The following XDH variants were observed in gnomAD, a reference collection of about 807,000 sequenced individuals.
XDH encodes xanthine dehydrogenase/oxidase.
XDH carries 138 observed loss-of-function variants against 156.1 expected under a neutral mutation model. That is an observed-to-expected ratio of 0.88 (90% CI 0.77 to 1.02). The LOEUF (loss-of-function observed/expected upper bound fraction) is 1.02, where lower values mean the gene tolerates loss of function less well. Among genes scored for constraint, XDH ranks in the 50% least tolerant of loss-of-function variants. The pLI is 0.00. For missense variants in XDH, 1,849 were observed against 1,684.9 expected (o/e 1.10, Z -1.71); for synonymous variants, 669 against 625.7 (o/e 1.07, Z -1.03).
intron 13 of XDH, among the ~76,000 whole-genome samples, chr2:31,379,097 C>G (rs950926929): frequency 6.6e-6 from 1 of 152,190 alleles, no homozygotes; most frequent in Non-Finnish European, 1.5e-5. Context: ...CCCCAAGCCT[C>G]TCCCAGATGC....
At chr2:31,391,391 A>G (rs138906728) in intron 6 of XDH, among the ~76,000 whole-genome samples, 71 of 152,236 alleles carry the variant, frequency 4.7e-4, no homozygotes, top group African/African-American at 1.6e-3. Context: ...CACTGTCTTG[A>G]TAACTGCAGC....
Position 31,386,555 on chromosome 2 carries a change from T to A in XDH, c.652A>T (p.Arg218Trp). The change falls in exon 9 of 36, where the codon AGG becomes TGG. Residue 218 changes from arginine (R) to tryptophan (W), a missense_variant and splice_region_variant. By Grantham distance (101) the Arg-to-Trp change is moderately radical. Coordinates refer to ENST00000379416, the MANE Select transcript of XDH (RefSeq NM_000379.4). ...TGCTTCCGAGGAGTGTCTTTCAGCC[T>A]CTGGGAAATGCAGTTTTCTTACTAC... is the stretch of plus-strand genomic sequence containing the variant. ...QEPIFPPELL[R>W]LKDTPRKQLR... The A allele has an allele frequency of 6.2e-7, 1 of 1,614,194 alleles. No homozygotes were observed. The highest frequency in any genetic ancestry group is 1.3e-5 in the African/African-American group (1 of 75,058).
chr2:31,347,801 G>A, intron 28 of XDH, 151 bp from the exon 29 acceptor site: 1 of 1,123,052 alleles, frequency 8.9e-7, no homozygotes, highest in Non-Finnish European at 1.3e-6. Context: ...CTTACATCTG[G>A]CTGAATTTGA....
chr2:31,393,123 T>C (rs1326855490), intron 6 of XDH, among the ~76,000 whole-genome samples: 4 of 152,262 alleles, frequency 2.6e-5, no homozygotes, highest in Non-Finnish European at 5.9e-5. Context: ...TTGGCTAAAG[T>C]AGTCTATAAA....
At chr2:31,348,578 G>T (rs896620838) in intron 27 of XDH, among the ~76,000 whole-genome samples, 1 of 152,156 alleles carries the variant, frequency 6.6e-6, no homozygotes, top group African/African-American at 2.4e-5. Context: ...TGTTTCTCTT[G>T]TTCTCAAAGG....
intron 2 of XDH, 102 bp downstream of exon 2, chr2:31,405,805 C>A: frequency 1.4e-6 from 2 of 1,395,090 alleles, no homozygotes; most frequent in East Asian, 2.3e-5. Flanking sequence ...TTCCTCCACA[C>A]CTCAAGGCCA....
chr2:31,377,262 G>A, intron 13 of XDH, 25 bp from the exon 14 acceptor site: 1 of 1,613,514 alleles, frequency 6.2e-7, no homozygotes, highest in South Asian at 1.1e-5. Flanking sequence ...GAAGGTGCCT[G>A]TTTTCCACCT....
chr2:31,336,487 C>A (rs1456484316), intron 35 of XDH, among the ~76,000 whole-genome samples: 1 of 151,990 alleles, frequency 6.6e-6, no homozygotes, highest in Non-Finnish European at 1.5e-5. Context: ...AGCCATGCCA[C>A]CCACTCCTCT....
chr2:31,339,517 G>A lies in XDH; in HGVS notation c.3746C>T (p.Pro1249Leu). 6.2e-7 allele frequency: 1 copy of A among 1,614,172 alleles called. No individual in the cohort carries two copies. Among genetic ancestry groups the A allele is most frequent in the Non-Finnish European group, 8.5e-7 (1 of 1,180,048 alleles). Residue 1249 changes from proline (P) to leucine (L), a missense_variant, in exon 34 of 36, where the codon CCC (proline) becomes CTC (leucine). By Grantham distance (98) the Pro-to-Leu change is moderately conservative. Coordinates refer to ENST00000379416, the MANE Select transcript of XDH (RefSeq NM_000379.4). The part of the protein sequence containing the change: ...EFRVSLLRDC[P>L]NKKAIYASKA... ...CGATGCATAGATGGCCTTCTTGTTG[G>A]GGCAGTCGCGGAGCAGGGACACCCT...
chr2:31,408,303 C>T (rs1572574177), intron 1 of XDH, among the ~76,000 whole-genome samples: 1 of 152,158 alleles, frequency 6.6e-6, no homozygotes, highest in South Asian at 2.1e-4. Flanking sequence ...AAAGGCTTTC[C>T]TTATCACTCC....
At chr2:31,376,994 A>T (rs1490591622) in intron 14 of XDH, 59 bp downstream of exon 14, 16 of 1,598,594 alleles carry the variant, frequency 1.0e-5, no homozygotes, top group Non-Finnish European at 1.2e-5. Context: ...CAGCAGTAAC[A>T]ATGATACTAT....
At chr2:31,369,302 TTGA>T (rs1357136701) in intron 18 of XDH, among the ~76,000 whole-genome samples, 6 of 152,156 alleles carry the variant, frequency 3.9e-5, no homozygotes, top group Admixed American at 3.9e-4. Flanking sequence ...GTTCTTAGAC[TTGA>T]TGACCCATAA....
chr2:31,386,164 T>C (rs1686586890), intron 9 of XDH, among the ~76,000 whole-genome samples: 1 of 152,122 alleles, frequency 6.6e-6, no homozygotes, highest in Admixed American at 6.5e-5. Context: ...TGAGGGTAGA[T>C]GAGGACAAGC....
rs762537902 is a variant in XDH at position 31,348,349 on chromosome 2, A to G, written c.3066T>C (p.Leu1022=). 6.2e-6 allele frequency: 10 copies of G among 1,614,178 alleles called. No homozygotes were observed. The highest frequency in any genetic ancestry group is 8.5e-6 in the Non-Finnish European group (10 of 1,180,020). The change falls in exon 28 of 36, where the codon CTT becomes CTC. Residue 1022 remains leucine (L), a synonymous_variant. Transcript: ENST00000379416. ...GCACAGAGCCATCTGTGTACACATG[A>G]AGTAGGGCTCCTGCCTAGGGAAAGA... ...VPFLNQAGAL[L]HVYTDGSVLL...
intron 4 of XDH, 70 bp from the exon 5 acceptor site, chr2:31,398,769 G>A: frequency 6.2e-7 from 1 of 1,604,518 alleles, no homozygotes; most frequent in Non-Finnish European, 8.5e-7. Flanking sequence ...GGACTCGACT[G>A]GAGCCAGCAC....
At chr2:31,377,835 C>A (rs1686286476) in intron 13 of XDH, among the ~76,000 whole-genome samples, 1 of 146,994 alleles carries the variant, frequency 6.8e-6, no homozygotes, top group Non-Finnish European at 1.5e-5. Flanking sequence ...GCCTAGGCAA[C>A]ATAGTGAGGC....
chr2:31,401,903 A>G (rs1486034536), intron 3 of XDH, among the ~76,000 whole-genome samples: 1 of 152,232 alleles, frequency 6.6e-6, no homozygotes, highest in African/African-American at 2.4e-5. Context: ...AGTGCCAGAC[A>G]TAAGTCAGGC....
chr2:31,366,912 C>T lies in XDH; in HGVS notation c.2280G>A (p.Glu760=). 6.2e-7 allele frequency: 1 copy of T among 1,614,248 alleles called. No homozygotes were observed. Among genetic ancestry groups the T allele is most frequent in the Non-Finnish European group, 8.5e-7 (1 of 1,180,038 alleles). The part of the protein sequence containing the change: ...TIAVPKGEAG[E]MELFVSTQNT... ...TCTGTGTAGACACAAAGAGCTCCAT[C>T]TCCCCTGCCTCGCCTTTTGGAACAG... Residue 760 remains glutamate (E), a synonymous_variant, in exon 21 of 36, where the codon GAG becomes GAA. Coordinates refer to ENST00000379416, the MANE Select transcript of XDH (RefSeq NM_000379.4).
chr2:31,347,837 G>A (rs554355510), intron 28 of XDH, among the ~76,000 whole-genome samples, 187 bp from the exon 29 acceptor site: 61 of 152,258 alleles, frequency 4.0e-4, no homozygotes, highest in African/African-American at 1.4e-3. Flanking sequence ...AGTTCGGTTG[G>A]ATAAAAAATT....
Sources: gnomAD v4.1 joint callset for allele counts (sites outside exome capture counted in the v4.1 genomes callset) on GRCh38, gnomAD v4.1.1 for gene constraint, MANE v1.5 for transcripts, NCBI Gene and HGNC (gene_info 2026-07-23, HGNC 2026-07-21) for gene names.